NOL10: variants seen among roughly 807,000 people sequenced by gnomAD.
The protein encoded by NOL10 is H_NH0074G24.1.
In NOL10, 58 loss-of-function variants were observed where a neutral mutation model predicts 103.5. The observed-to-expected ratio is 0.56, with a 90% CI of 0.45 to 0.70. The LOEUF (loss-of-function observed/expected upper bound fraction) is 0.70. Among genes scored for constraint, NOL10 ranks in the 30% least tolerant of loss-of-function variants. NOL10 has a pLI of 0.00. For synonymous variants in NOL10, 287 were observed against 282.5 expected, an observed-to-expected ratio of 1.02 and a Z score of -0.16; for missense variants, 763 against 807.3, an observed-to-expected ratio of 0.95 and a Z score of 0.67.
chr2:10,653,560 G>A (rs952642884), intron 12 of NOL10, among the ~76,000 whole-genome samples: 1 of 152,080 alleles, frequency 6.6e-6, no homozygotes, highest in African/African-American at 2.4e-5. Flanking sequence ...AAGACATTTA[G>A]CACATCATGC....
chr2:10,615,779 G>A (rs1417818341), intron 13 of NOL10, among the ~76,000 whole-genome samples: 1 of 152,110 alleles, frequency 6.6e-6, no homozygotes, highest in East Asian at 1.9e-4. Context: ...GACAGGATGA[G>A]GCACAGGCCC....
chr2:10,620,079 T>A (rs1677048442), intron 13 of NOL10, among the ~76,000 whole-genome samples: 1 of 152,206 alleles, frequency 6.6e-6, no homozygotes, highest in Non-Finnish European at 1.5e-5. Context: ...ATGCACCTGG[T>A]AATGAGCATC....
At chr2:10,632,530 C>CT (rs527786385) in intron 13 of NOL10, among the ~76,000 whole-genome samples, 32 of 152,302 alleles carry the variant, frequency 2.1e-4, no homozygotes, top group African/African-American at 6.5e-4. Flanking sequence ...TATTTTACAA[C>CT]TTTGCAAATT....
At position 10,682,003 on chromosome 2, in the gene NOL10, A is replaced by C. The variant is rs889224846; in HGVS notation, c.179T>G (p.Val60Gly). ...TAAAATGTACTGTCCATCTTTTGAC[A>C]CCTTAATAGTGGTACACACAGTAGG... ...EMPTVCTTIKVSKDGQYILAT... is the reference protein window; with the variant it reads ...EMPTVCTTIKGSKDGQYILAT... Residue 60 changes from valine to glycine, a missense_variant, in exon 3 of 21, where the codon GTG becomes GGG. By Grantham distance (109) the Val-to-Gly change is moderately radical (BLOSUM62 -3). Transcript: ENST00000381685. The C allele has an allele frequency of 2.7e-6, 4 of 1,496,642 alleles. No homozygotes were observed. In the African/African-American group the frequency reaches 5.6e-5, roughly 21 times the overall value. The allele number at this position is 1,496,642 out of a possible 1,614,324, so 92.7% of individuals were successfully genotyped here. A position where few individuals can be genotyped will look rare whatever the true frequency, so the allele number is the denominator to read the frequency against.
Position 10,572,382 on chromosome 2 carries a change from C to G in NOL10, c.1948-192G>C, listed in dbSNP as rs544674742. Among the ~76,000 whole-genome samples, 38 of 152,252 alleles carry G rather than the reference C, an allele frequency of 2.5e-4. 1 individual carries two copies. In the South Asian group the frequency reaches 7.3e-3, roughly 29 times the overall value. ...CTGACAAATGCTACCCTGGCAGAAACAGCAGGACCAAGGCCAACTTTTACC... is the reference window on the plus strand; with the variant it reads ...CTGACAAATGCTACCCTGGCAGAAAGAGCAGGACCAAGGCCAACTTTTACC... On this transcript the variant is annotated intron_variant, in intron 20 of 20. Coordinates refer to ENST00000381685, the MANE Select transcript of NOL10 (RefSeq NM_024894.4).
At chr2:10,631,818 G>C (rs1026834466) in intron 13 of NOL10, among the ~76,000 whole-genome samples, 2 of 151,606 alleles carry the variant, frequency 1.3e-5, no homozygotes, top group Non-Finnish European at 2.9e-5. Context: ...AGGTTCAAGC[G>C]ATTCTCTTGC....
intron 20 of NOL10, among the ~76,000 whole-genome samples, chr2:10,576,417 C>T (rs1558262981): frequency 6.6e-6 from 1 of 152,212 alleles, no homozygotes; most frequent in Non-Finnish European, 1.5e-5. Context: ...CATTCATTTT[C>T]ACAGCCAATT....
chr2:10,573,203 C>CT lies in NOL10; in HGVS notation c.1948-1014dup, dbSNP rs576017167. ...CCTGCTTCTCTGGGATCTGTATTTT[C>CT]TTTTTTTTTGAGATGGAGTCTTGCT... On this transcript the variant is annotated intron_variant, in intron 20 of 20. Transcript: ENST00000381685. Among the ~76,000 whole-genome samples the CT allele has an allele frequency of 4.3e-3, 652 of 151,100 alleles. 9 individuals carry two copies. The highest frequency in any genetic ancestry group is 0.015 in the African/African-American group (599 of 41,180).
At chr2:10,615,116 T>C (rs1200143517) in intron 13 of NOL10, among the ~76,000 whole-genome samples, 2 of 152,244 alleles carry the variant, frequency 1.3e-5, no homozygotes, top group African/African-American at 4.8e-5. Flanking sequence ...ATGAGCTGCC[T>C]AATTGCATAT....
Position 10,616,217 on chromosome 2 carries a change from A to AT in NOL10, c.1027-8907dup, listed in dbSNP as rs533351651. ...CTACCAGTGGACAACACCACCCTGC[A>AT]TTTTTTTTTTTTTTTTTTTTTTTTT... On this transcript the variant is annotated intron_variant, in intron 13 of 20. Coordinates refer to ENST00000381685, the MANE Select transcript of NOL10 (RefSeq NM_024894.4). Among the ~76,000 whole-genome samples the AT allele has an allele frequency of 4.3e-3, 414 of 95,590 alleles. 25 individuals are homozygous for AT. Among genetic ancestry groups the AT allele is most frequent in the South Asian group, 0.01 (25 of 2,388 alleles). 62.7% of individuals were successfully genotyped at this position (95,590 alleles called of 152,430 possible).
chr2:10,649,311 ATTTTTTTTTTTT>A lies in NOL10; in HGVS notation c.974-4951_974-4940del, dbSNP rs56031158. ...TTTTTCAACTTTTCTGTATGTTTGA[ATTTTTTTTTTTT>A]TTTTTTTTTTTTTTTGAGACAGAGT... On this transcript the variant is annotated intron_variant, in intron 12 of 20. Coordinates refer to ENST00000381685, the MANE Select transcript of NOL10 (RefSeq NM_024894.4). Among the ~76,000 whole-genome samples, 237 of 99,062 alleles carry A rather than the reference ATTTTTTTTTTTT, an allele frequency of 2.4e-3. 2 individuals are homozygous for A. The highest frequency in any genetic ancestry group is 9.3e-3 in the Admixed American group (69 of 7,404). The allele number at this position is 99,062 out of a possible 152,430, so 65.0% of individuals were successfully genotyped here.
At chr2:10,667,646 T>C (rs1236772134) in intron 7 of NOL10, among the ~76,000 whole-genome samples, 1 of 152,242 alleles carries the variant, frequency 6.6e-6, no homozygotes, top group Non-Finnish European at 1.5e-5. Flanking sequence ...ATCCTGAGCC[T>C]TGACAGGCTT....
At chr2:10,670,194 T>C (rs926651494) in intron 6 of NOL10, among the ~76,000 whole-genome samples, 7 of 152,184 alleles carry the variant, frequency 4.6e-5, no homozygotes, top group Non-Finnish European at 1.0e-4. Flanking sequence ...GCCAAAGATA[T>C]CACTCCTAAA....
At chr2:10,583,699 ACT>A (rs1300751928) in intron 19 of NOL10, among the ~76,000 whole-genome samples, 1 of 151,200 alleles carries the variant, frequency 6.6e-6, no homozygotes, top group African/African-American at 2.4e-5. Context: ...TTTCTTTCTC[ACT>A]CTTAGTCTTC....
At chr2:10,607,499 G>A (rs1449776329) in intron 13 of NOL10, among the ~76,000 whole-genome samples, 188 bp from the exon 14 acceptor site, 2 of 152,128 alleles carry the variant, frequency 1.3e-5, no homozygotes, top group Non-Finnish European at 2.9e-5. Context: ...AGTGGTAAAT[G>A]TTTAGGCTTG....
intron 12 of NOL10, among the ~76,000 whole-genome samples, chr2:10,649,026 T>G (rs1198245252): frequency 6.6e-6 from 1 of 151,796 alleles, no homozygotes; most frequent in African/African-American, 2.4e-5. Flanking sequence ...AACCTGAAAA[T>G]GGACTGGATG....
chr2:10,582,611 CTCTAACCAGAATGATGTCCCCTATGT>C (rs1674820029), intron 19 of NOL10, among the ~76,000 whole-genome samples: 1 of 152,162 alleles, frequency 6.6e-6, no homozygotes, highest in Non-Finnish European at 1.5e-5. Context: ...ATCTTTCTAC[CTCTAACCAGAATGATGTCCCCTATGT>C]TCACGCATCT....
At chr2:10,679,785 C>T (rs776405238) in intron 3 of NOL10, among the ~76,000 whole-genome samples, 3 of 152,076 alleles carry the variant, frequency 2.0e-5, no homozygotes, top group Non-Finnish European at 4.4e-5. Context: ...CCACCATGCC[C>T]AGCTAATTTA....
intron 13 of NOL10, among the ~76,000 whole-genome samples, chr2:10,623,086 A>C (rs1358381727): frequency 7.0e-6 from 1 of 142,580 alleles, no homozygotes; most frequent in African/African-American, 3.1e-5. Context: ...AATCAATTAC[A>C]GTGTGTCCTA....
Sources: gnomAD v4.1 joint callset for allele counts (sites outside exome capture counted in the v4.1 genomes callset) on GRCh38, gnomAD v4.1.1 for gene constraint, MANE v1.5 for transcripts, NCBI Gene and HGNC (gene_info 2026-07-23, HGNC 2026-07-21) for gene names.